Variants in BLK observed in about 807,000 individuals in gnomAD.
BLK encodes tyrosine-protein kinase Blk.
A neutral mutation model predicts 61.8 loss-of-function variants in BLK; 64 were observed. The observed-to-expected ratio is 1.03, with a 90% CI of 0.85 to 1.27. The LOEUF (loss-of-function observed/expected upper bound fraction) is 1.27, where lower values mean the gene tolerates loss of function less well. Ranked by LOEUF, BLK falls within the 50% of genes most tolerant of loss-of-function variation. BLK has a pLI of 0.00. For synonymous variants in BLK, 351 were observed against 272.0 expected, an observed-to-expected ratio of 1.29 and a Z score of -2.86; for missense variants, 853 against 660.5, an observed-to-expected ratio of 1.29 and a Z score of -3.19.
At position 11,534,340 on chromosome 8, in the gene BLK, C is replaced by T. The variant is rs572009480; in HGVS notation, c.-1-8884C>T. 1.8e-4 allele frequency among the ~76,000 whole-genome samples: 27 copies of T among 152,290 alleles called. No homozygotes were observed. The South Asian group carries it at 2.9e-3, about 16-fold the overall frequency. On this transcript the variant is annotated intron_variant, in intron 1 of 12. Transcript: ENST00000259089. ...GTTGGATTAACATTTTGGCATATTG[C>T]TAACATATTTTAATAATCACTACTG... is the stretch of plus-strand genomic sequence containing the variant.
intron 10 of BLK, among the ~76,000 whole-genome samples, chr8:11,559,536 C>T (rs115058397): frequency 0.012 from 1,773 of 152,188 alleles, 39 homozygotes; most frequent in African/African-American, 0.041. Flanking sequence ...CACACAAACA[C>T]GCAAACTTAC....
rs1486615957 is a variant in BLK at position 11,561,440 on chromosome 8, A to G, written c.1168A>G (p.Thr390Ala). Residue 390 changes from threonine (T) to alanine (A), a missense_variant, in exon 11 of 13, where the codon ACG becomes GCG. Thr to Ala is a moderately conservative substitution (Grantham distance 58, BLOSUM62 0). Transcript: ENST00000259089. Reference protein sequence around the residue: ...GLARIIDSEYTAQEGAKFPIK... With the variant: ...GLARIIDSEYAAQEGAKFPIK... ...GGCTCGAATCATCGACAGTGAATAC[A>G]CGGCCCAAGAGGGTAAGCACAGCCC... 9 of 1,613,756 alleles carry G rather than the reference A, an allele frequency of 5.6e-6. No individual in the cohort carries two copies. Among genetic ancestry groups the G allele is most frequent in the African/African-American group, 2.7e-5 (2 of 74,892 alleles).
intron 1 of BLK, among the ~76,000 whole-genome samples, chr8:11,503,955 C>T (rs1361533861): frequency 5.3e-5 from 8 of 152,270 alleles, no homozygotes; most frequent in South Asian, 2.1e-4. Context: ...GGCTCCTGGC[C>T]GGGAGATGAA....
chr8:11,555,099 AG>A (rs1801135661), intron 7 of BLK, among the ~76,000 whole-genome samples: 2 of 152,204 alleles, frequency 1.3e-5, no homozygotes, highest in Admixed American at 1.3e-4. Context: ...CTTAGAGAGT[AG>A]CAAGCATTTT....
At chr8:11,530,701 C>G (rs186812825) in intron 1 of BLK, among the ~76,000 whole-genome samples, 1 of 142,780 alleles carries the variant, frequency 7.0e-6, no homozygotes, top group Non-Finnish European at 1.5e-5. Context: ...TTTCTTTACT[C>G]TGAAAAACAA....
intron 1 of BLK, among the ~76,000 whole-genome samples, chr8:11,523,022 A>G (rs1429268699): frequency 6.8e-6 from 1 of 148,126 alleles, no homozygotes; most frequent in East Asian, 2.0e-4. Flanking sequence ...AAATATGAAT[A>G]TCTGTTTGAT....
chr8:11,563,227 G>C (rs1383614355), intron 12 of BLK, 117 bp downstream of exon 12: 1 of 1,445,870 alleles, frequency 6.9e-7, no homozygotes, highest in Non-Finnish European at 9.4e-7. Flanking sequence ...GTCCCAGAGC[G>C]AAGACGGAGA....
At chr8:11,497,446 C>T (rs925911664) in intron 1 of BLK, among the ~76,000 whole-genome samples, 7 of 152,144 alleles carry the variant, frequency 4.6e-5, no homozygotes, top group African/African-American at 4.8e-5. Flanking sequence ...AGTCACAGTG[C>T]CCAAGCCCAT....
At chr8:11,541,915 A>G (rs572320976) in intron 1 of BLK, among the ~76,000 whole-genome samples, 1 of 152,358 alleles carries the variant, frequency 6.6e-6, no homozygotes, top group South Asian at 2.1e-4. Context: ...GCTCACATAA[A>G]GAAATACTTA....
At chr8:11,531,249 T>C (rs977494302) in intron 1 of BLK, among the ~76,000 whole-genome samples, 2 of 152,210 alleles carry the variant, frequency 1.3e-5, no homozygotes, top group African/African-American at 2.4e-5. Flanking sequence ...GTCCTGCCTG[T>C]CTCTGATTTA....
intron 1 of BLK, among the ~76,000 whole-genome samples, chr8:11,530,849 G>A (rs919686816): frequency 1.3e-5 from 2 of 152,154 alleles, no homozygotes; most frequent in Non-Finnish European, 2.9e-5. Context: ...GTCTTTCTGT[G>A]GTCATATGTT....
At chr8:11,555,228 G>A in intron 7 of BLK, 104 bp from the exon 8 acceptor site, 2 of 1,457,108 alleles carry the variant, frequency 1.4e-6, no homozygotes, top group Non-Finnish European at 1.9e-6. Context: ...TGCAGGGGGT[G>A]GGGTGGCTGG....
intron 10 of BLK, chr8:11,558,359 T>G (rs1801329675): frequency 2.5e-6 from 1 of 396,926 alleles, no homozygotes; most frequent in Non-Finnish European, 4.8e-6. Flanking sequence ...CACACAGAGT[T>G]AGCAAGAGTT....
chr8:11,555,851 A>T, intron 8 of BLK: 1 of 363,438 alleles, frequency 2.8e-6, no homozygotes, highest in Non-Finnish European at 5.4e-6. Context: ...ATGAGCCATG[A>T]TGTTCCAGAG....
chr8:11,551,764 T>C (rs773411816), intron 6 of BLK, among the ~76,000 whole-genome samples: 11 of 152,120 alleles, frequency 7.2e-5, no homozygotes, highest in Non-Finnish European at 1.3e-4. Context: ...GCCACTAGCT[T>C]TTCGTCTGTA....
At chr8:11,555,545 T>G in intron 8 of BLK, 61 bp downstream of exon 8, 1 of 1,610,048 alleles carries the variant, frequency 6.2e-7, no homozygotes, top group East Asian at 2.2e-5. Context: ...GCATCCTGAG[T>G]CCAGGTTCAG....
At chr8:11,550,373 C>A in intron 6 of BLK, 111 bp downstream of exon 6, 1 of 1,029,832 alleles carries the variant, frequency 9.7e-7, no homozygotes, top group Non-Finnish European at 1.5e-6. Context: ...GGAGAACCAG[C>A]AGCTTCCGGG....
chr8:11,561,161 C>G lies in BLK; in HGVS notation c.1030-141C>G, dbSNP rs1479322373. 4.1e-6 allele frequency: 5 copies of G among 1,223,550 alleles called. No homozygotes were observed. In the Admixed American group the frequency reaches 5.9e-5, roughly 15 times the overall value. 75.8% of individuals were successfully genotyped at this position (1,223,550 alleles called of 1,614,324 possible). ...GAGAGGAGTTTATTCGGCTGAGGAG[C>G]AACACAGTCACCTTTCTACTCCATC... is the stretch of plus-strand genomic sequence containing the variant. On this transcript the variant is annotated intron_variant, in intron 10 of 12. Coordinates refer to ENST00000259089, the MANE Select transcript of BLK (RefSeq NM_001715.3).
chr8:11,558,437 C>T lies in BLK; in HGVS notation c.1029+399C>T, dbSNP rs148197329. The stretch of plus-strand genomic sequence containing the variant: ...CTCTTCCTTAGATGGTGCCCACAAA[C>T]ATCTCCTGTAGGACTTCCCATCCCA... On this transcript the variant is annotated intron_variant, in intron 10 of 12. Transcript: ENST00000259089. The T allele has an allele frequency of 7.7e-3, 2,778 of 360,840 alleles. 16 individuals carry two copies. The highest frequency in any genetic ancestry group is 0.011 in the Non-Finnish European group (2,073 of 183,660). 22.4% of individuals were successfully genotyped at this position (360,840 alleles called of 1,614,324 possible).
Sources: gnomAD v4.1 joint callset for allele counts (sites outside exome capture counted in the v4.1 genomes callset) on GRCh38, gnomAD v4.1.1 for gene constraint, MANE v1.5 for transcripts, NCBI Gene and HGNC (gene_info 2026-07-23, HGNC 2026-07-21) for gene names.